Variants in RAB8B observed in about 807,000 individuals in gnomAD.
RAB8B encodes ras-related protein Rab-8B.
In RAB8B, 11 loss-of-function variants were observed where a neutral mutation model predicts 32.0. The ratio of observed to expected loss-of-function variants is 0.34; its 90% CI spans 0.22 to 0.57. The LOEUF (loss-of-function observed/expected upper bound fraction) is 0.57. RAB8B is among the 20% of genes least tolerant of loss of function. The pLI, the probability that RAB8B is intolerant of heterozygous loss-of-function variation, is 0.86. For synonymous variants in RAB8B, 103 were observed against 89.6 expected (o/e 1.15, Z -0.85); for missense variants, 190 against 258.5 (o/e 0.73, Z 1.82).
At position 63,236,627 on chromosome 15, in the gene RAB8B, G is replaced by A. The variant is rs189436217; in HGVS notation, c.125-8129G>A. Among the ~76,000 whole-genome samples the A allele has an allele frequency of 7.9e-5, 12 of 152,032 alleles. No homozygotes were observed. In the East Asian group the frequency reaches 1.2e-3, roughly 15 times the overall value. Reference sequence around the variant, plus strand: ...AAAAAGTCTTTTAAAAAAAAATTGTGGGTACATAGTAGATGTATATATTTA... The same window carrying A: ...AAAAAGTCTTTTAAAAAAAAATTGTAGGTACATAGTAGATGTATATATTTA... On this transcript the variant is annotated intron_variant, in intron 1 of 7. Transcript: ENST00000321437.
In RAB8B at chr15:63,267,227, G is replaced by GA. The variant is rs1235794406; in HGVS notation, c.*3615dup. 2 of 152,358 alleles carry GA rather than the reference G, an allele frequency of 1.3e-5. No individual in the cohort carries two copies. Among genetic ancestry groups the GA allele is most frequent in the Admixed American group, 1.3e-4 (2 of 15,264 alleles). 9.4% of individuals were successfully genotyped at this position (152,358 alleles called of 1,614,324 possible). A position where few individuals can be genotyped will look rare whatever the true frequency, so the allele number is the denominator to read the frequency against. ...AATTAATGGCTGTCATGTTCACTCT[G>GA]AAAAAAATCTAAATGACTGAAATGT... On this transcript the variant is annotated 3_prime_UTR_variant, in exon 8 of 8. Coordinates refer to ENST00000321437, the MANE Select transcript of RAB8B (RefSeq NM_016530.3).
At chr15:63,234,634 G>T (rs1037408895) in intron 1 of RAB8B, among the ~76,000 whole-genome samples, 1 of 152,188 alleles carries the variant, frequency 6.6e-6, no homozygotes, top group Non-Finnish European at 1.5e-5. Flanking sequence ...AGTACTCTGG[G>T]TAAGAGCTTG....
intron 3 of RAB8B, among the ~76,000 whole-genome samples, chr15:63,254,023 C>A (rs915854446): frequency 3.3e-5 from 5 of 152,198 alleles, no homozygotes; most frequent in African/African-American, 1.2e-4. Context: ...CTTGAGTACC[C>A]CAGCCTAGCC....
At chr15:63,245,140 A>G (rs1372518548) in intron 2 of RAB8B, among the ~76,000 whole-genome samples, 2 of 152,212 alleles carry the variant, frequency 1.3e-5, no homozygotes, top group Non-Finnish European at 2.9e-5. Flanking sequence ...TTGAAATCTG[A>G]TAAGACAGAG....
intron 1 of RAB8B, among the ~76,000 whole-genome samples, chr15:63,194,241 C>T (rs1338417189): frequency 6.6e-6 from 1 of 152,146 alleles, no homozygotes; most frequent in East Asian, 1.9e-4. Context: ...CAAAATTACA[C>T]AGCTGATTAT....
At chr15:63,199,111 A>G (rs2141108121) in intron 1 of RAB8B, among the ~76,000 whole-genome samples, 1 of 152,306 alleles carries the variant, frequency 6.6e-6, no homozygotes, top group African/African-American at 2.4e-5. Context: ...AATGACTCCA[A>G]CCACTTTCTT....
chr15:63,238,796 T>A (rs1443691209), intron 1 of RAB8B, among the ~76,000 whole-genome samples: 2 of 152,188 alleles, frequency 1.3e-5, no homozygotes, highest in African/African-American at 4.8e-5. Flanking sequence ...GAGAATGGAT[T>A]TAGATTAATC....
chr15:63,211,375 G>A (rs1329153325), intron 1 of RAB8B, among the ~76,000 whole-genome samples: 1 of 152,130 alleles, frequency 6.6e-6, no homozygotes, highest in Non-Finnish European at 1.5e-5. Context: ...ATTGTCTCAC[G>A]TACTGTGATA....
chr15:63,233,782 G>T (rs1201362694), intron 1 of RAB8B, among the ~76,000 whole-genome samples: 2 of 152,132 alleles, frequency 1.3e-5, no homozygotes, highest in Non-Finnish European at 2.9e-5. Flanking sequence ...GTTTCCAAAT[G>T]TACTTTTGAA....
chr15:63,225,295 C>T (rs2037879731), intron 1 of RAB8B, among the ~76,000 whole-genome samples: 4 of 152,142 alleles, frequency 2.6e-5, no homozygotes, highest in African/African-American at 7.2e-5. Context: ...TCTTACAAGT[C>T]AGAATTTCAG....
At chr15:63,191,689 G>A (rs1281775439) in intron 1 of RAB8B, among the ~76,000 whole-genome samples, 1 of 152,158 alleles carries the variant, frequency 6.6e-6, no homozygotes, top group African/African-American at 2.4e-5. Flanking sequence ...GTGTCCTTTT[G>A]TCCATTCTGT....
intron 1 of RAB8B, among the ~76,000 whole-genome samples, chr15:63,224,236 A>G (rs1440864845): frequency 1.3e-5 from 2 of 152,226 alleles, no homozygotes; most frequent in African/African-American, 2.4e-5. Flanking sequence ...AGATGCAACT[A>G]TAATTAGATA....
At chr15:63,262,795 A>T (rs2038213687) in intron 7 of RAB8B, 53 bp downstream of exon 7, 4 of 907,780 alleles carry the variant, frequency 4.4e-6, no homozygotes, top group Non-Finnish European at 6.2e-6. Flanking sequence ...TTGGCATTTG[A>T]TGAAAAGGAT....
intron 1 of RAB8B, among the ~76,000 whole-genome samples, chr15:63,201,241 G>T (rs907314285): frequency 8.5e-5 from 13 of 152,174 alleles, no homozygotes; most frequent in African/African-American, 2.9e-4. Flanking sequence ...GATGAAAAAG[G>T]CTACAAAGGA....
At chr15:63,222,119 A>T (rs889246984) in intron 1 of RAB8B, among the ~76,000 whole-genome samples, 1 of 152,132 alleles carries the variant, frequency 6.6e-6, no homozygotes, top group Non-Finnish European at 1.5e-5. Context: ...AAACCAAGAT[A>T]TTTCTCTTTT....
At chr15:63,260,195 A>G (rs999640197) in intron 6 of RAB8B, among the ~76,000 whole-genome samples, 8 of 152,226 alleles carry the variant, frequency 5.3e-5, no homozygotes, top group African/African-American at 1.2e-4. Context: ...CACCTGGATT[A>G]TATTAGCTTG....
intron 1 of RAB8B, among the ~76,000 whole-genome samples, chr15:63,243,317 G>A (rs2038047158): frequency 6.6e-6 from 1 of 152,230 alleles, no homozygotes; most frequent in Admixed American, 6.5e-5. Flanking sequence ...CTGCTGGACA[G>A]AATGCAAAAG....
At chr15:63,204,422 CCTA>C (rs1444497193) in intron 1 of RAB8B, among the ~76,000 whole-genome samples, 1 of 152,060 alleles carries the variant, frequency 6.6e-6, no homozygotes, top group Admixed American at 6.6e-5. Flanking sequence ...ATCTTGAATT[CCTA>C]CTTTGGGTGA....
Position 63,255,534 on chromosome 15 carries a change from A to C in RAB8B, c.274A>C (p.Asn92His). Residue 92 changes from asparagine (N) to histidine (H), a missense_variant, in exon 4 of 8, where the codon AAT becomes CAT. Asn to His is a moderately conservative substitution (Grantham distance 68). Coordinates refer to ENST00000321437, the MANE Select transcript of RAB8B (RefSeq NM_016530.3). ...CATTATGCTGGTCTATGACATCACA[A>C]ATGAAAAATCCTTTGACAATATTAA... The part of the protein sequence containing the change: ...MGIMLVYDIT[N>H]EKSFDNIKNW... The C allele has an allele frequency of 6.2e-7, 1 of 1,606,428 alleles. No individual in the cohort carries two copies. The highest frequency in any genetic ancestry group is 8.5e-7 in the Non-Finnish European group (1 of 1,172,986).
Sources: gnomAD v4.1 joint callset for allele counts (sites outside exome capture counted in the v4.1 genomes callset) on GRCh38, gnomAD v4.1.1 for gene constraint, MANE v1.5 for transcripts, NCBI Gene and HGNC (gene_info 2026-07-23, HGNC 2026-07-21) for gene names.